The following LRRC4C variants were observed in gnomAD, a reference collection of about 807,000 sequenced individuals.
LRRC4C encodes leucine-rich repeat-containing protein 4C.
LRRC4C carries 5 observed loss-of-function variants against 33.6 expected under a neutral mutation model. The observed-to-expected ratio is 0.15, with a 90% CI of 0.08 to 0.31. The LOEUF is 0.31. Among genes scored for constraint, LRRC4C ranks in the 10% least tolerant of loss-of-function variants. LRRC4C has a pLI of 1.00. For synonymous variants in LRRC4C, 329 were observed against 302.0 expected (o/e 1.09, Z -0.93); for missense variants, 560 against 796.7 (o/e 0.70, Z 3.58).
chr11:41,346,146 T>A (rs1321916724), intron 1 of LRRC4C, among the ~76,000 whole-genome samples: 1 of 152,144 alleles, frequency 6.6e-6, no homozygotes, highest in Non-Finnish European at 1.5e-5. Flanking sequence ...GGAGTTTTCA[T>A]CTTCCTGGCT....
At chr11:41,449,594 T>G (rs949350851) in intron 1 of LRRC4C, among the ~76,000 whole-genome samples, 1 of 151,954 alleles carries the variant, frequency 6.6e-6, no homozygotes, top group Non-Finnish European at 1.5e-5. Flanking sequence ...GAGAGCAAAT[T>G]AGCTGTTTCT....
intron 3 of LRRC4C, among the ~76,000 whole-genome samples, chr11:40,429,121 T>G (rs1414292659): frequency 6.6e-6 from 1 of 152,330 alleles, no homozygotes; most frequent in Non-Finnish European, 1.5e-5. Flanking sequence ...AAAATAGCAC[T>G]ACTAATATTT....
intron 1 of LRRC4C, chr11:41,394,733 G>A (rs1015437359): frequency 3.9e-5 from 6 of 151,948 alleles, no homozygotes; most frequent in Admixed American, 3.3e-4. Flanking sequence ...CATTGACATT[G>A]CTGCTGCCAC....
In LRRC4C at chr11:40,311,386, G is replaced by T. The variant is rs545004166; in HGVS notation, c.-176+8242C>A. Among the ~76,000 whole-genome samples the T allele has an allele frequency of 1.6e-4, 25 of 152,240 alleles. 1 individual carries two copies. In the South Asian group the frequency reaches 5.2e-3, roughly 32 times the overall value. On this transcript the variant is annotated intron_variant, in intron 4 of 6. Transcript: ENST00000528697. The stretch of plus-strand genomic sequence containing the variant: ...GGTAACCCTAGTGCCTAATTTTGTG[G>T]CATAATGTACATGTTCAGTAAACGT...
At chr11:40,316,795 T>C (rs1349959974) in intron 4 of LRRC4C, among the ~76,000 whole-genome samples, 1 of 151,958 alleles carries the variant, frequency 6.6e-6, no homozygotes, top group Non-Finnish European at 1.5e-5. Context: ...TGATGTGATT[T>C]GGTTAAGCTG....
intron 1 of LRRC4C, among the ~76,000 whole-genome samples, chr11:41,002,766 T>C (rs1210399058): frequency 6.6e-6 from 1 of 152,120 alleles, no homozygotes; most frequent in Non-Finnish European, 1.5e-5. Flanking sequence ...AGAAAGTCAA[T>C]ATGCAGTGTG....
chr11:40,719,627 T>C (rs1946908949), intron 2 of LRRC4C, among the ~76,000 whole-genome samples: 1 of 152,206 alleles, frequency 6.6e-6, no homozygotes, highest in Non-Finnish European at 1.5e-5. Flanking sequence ...GTAATTGCAG[T>C]GAGCAAAATT....
rs1290930298 is a variant in LRRC4C at position 40,985,532 on chromosome 11, C to G, written c.-495-51809G>C. 4.1e-4 allele frequency among the ~76,000 whole-genome samples: 3 copies of G among 7,322 alleles called. 1 individual carries two copies. Among genetic ancestry groups the G allele is most frequent in the African/African-American group, 4.3e-4 (3 of 6,918 alleles). The allele number at this position is 7,322 out of a possible 152,430, so 4.8% of individuals were successfully genotyped here. Reference sequence around the variant, plus strand: ...CGGAGTCTCGCTCTGTCGCCCAGGCCGGACTGCGGACTGCAGTGGCGCAAT... The same window carrying G: ...CGGAGTCTCGCTCTGTCGCCCAGGCGGGACTGCGGACTGCAGTGGCGCAAT... On this transcript the variant is annotated intron_variant, in intron 1 of 6. Coordinates refer to ENST00000528697, the MANE Select transcript of LRRC4C (RefSeq NM_001258419.2).
intron 3 of LRRC4C, among the ~76,000 whole-genome samples, chr11:40,574,470 A>C (rs1166471754): frequency 6.6e-6 from 1 of 152,238 alleles, no homozygotes; most frequent in African/African-American, 2.4e-5. Context: ...ACCTGAGCTA[A>C]GGGAGGGCAG....
intron 2 of LRRC4C, among the ~76,000 whole-genome samples, chr11:40,869,865 T>G (rs922370782): frequency 6.7e-6 from 1 of 149,082 alleles, no homozygotes; most frequent in Non-Finnish European, 1.5e-5. Context: ...GCTCTGAAGC[T>G]TTTTAATAAG....
At chr11:40,801,218 A>G (rs1376576578) in intron 2 of LRRC4C, among the ~76,000 whole-genome samples, 1 of 152,170 alleles carries the variant, frequency 6.6e-6, no homozygotes, top group Non-Finnish European at 1.5e-5. Flanking sequence ...TTGAGTCACT[A>G]TAAGCAATTT....
intron 1 of LRRC4C, among the ~76,000 whole-genome samples, chr11:41,239,514 G>A (rs970510391): frequency 1.3e-5 from 2 of 151,848 alleles, no homozygotes; most frequent in African/African-American, 4.8e-5. Flanking sequence ...CTTTGAACTG[G>A]CTATTCCCTG....
At chr11:40,198,920 A>T (rs1862483033) in intron 5 of LRRC4C, among the ~76,000 whole-genome samples, 1 of 152,226 alleles carries the variant, frequency 6.6e-6, no homozygotes, top group South Asian at 2.1e-4. Context: ...GTGAGAGAGA[A>T]TGCACTTTGT....
intron 1 of LRRC4C, among the ~76,000 whole-genome samples, chr11:41,042,084 C>T (rs541468337): frequency 6.6e-4 from 100 of 152,268 alleles, no homozygotes; most frequent in Middle Eastern, 3.4e-3. Flanking sequence ...AAATGGTTTA[C>T]AGTTATAAGA....
rs563000257 is a variant in LRRC4C, at chr11:40,351,313, G to T, written c.-269-31592C>A. Among the ~76,000 whole-genome samples the T allele has an allele frequency of 2.6e-5, 4 of 151,810 alleles. 1 individual carries two copies. In the East Asian group the frequency reaches 7.7e-4, roughly 29 times the overall value. On this transcript the variant is annotated intron_variant, in intron 3 of 6. Coordinates refer to ENST00000528697, the MANE Select transcript of LRRC4C (RefSeq NM_001258419.2). ...TGAAATTTTAAAGACTTGTTTTGTGGCCAAACATGTGTTCTATCCTTGAGA... is the reference window on the plus strand; with the variant it reads ...TGAAATTTTAAAGACTTGTTTTGTGTCCAAACATGTGTTCTATCCTTGAGA...
At chr11:41,004,081 A>T (rs1034197504) in intron 1 of LRRC4C, among the ~76,000 whole-genome samples, 3 of 152,274 alleles carry the variant, frequency 2.0e-5, no homozygotes, top group South Asian at 4.1e-4. Flanking sequence ...AAGAGGCATG[A>T]ACACCCCATT....
At chr11:40,915,890 A>G (rs1470661696) in intron 2 of LRRC4C, among the ~76,000 whole-genome samples, 8 of 152,200 alleles carry the variant, frequency 5.3e-5, no homozygotes, top group Non-Finnish European at 1.2e-4. Flanking sequence ...GGTGAAGGAT[A>G]TGAACAGACA....
At chr11:41,038,291 A>G (rs1294575539) in intron 1 of LRRC4C, among the ~76,000 whole-genome samples, 1 of 152,128 alleles carries the variant, frequency 6.6e-6, no homozygotes, top group Admixed American at 6.5e-5. Context: ...ACATCTAAAA[A>G]CCAGCTTTAA....
intron 1 of LRRC4C, among the ~76,000 whole-genome samples, chr11:41,107,376 T>C (rs999782977): frequency 6.6e-6 from 1 of 152,088 alleles, no homozygotes; most frequent in African/African-American, 2.4e-5. Flanking sequence ...TACATGTAGA[T>C]ATCGATCTAA....
Sources: allele counts gnomAD v4.1 joint callset (sites outside exome capture counted in the v4.1 genomes callset), GRCh38; gene constraint gnomAD v4.1.1; transcripts MANE v1.5; gene names NCBI Gene and HGNC (gene_info 2026-07-23, HGNC 2026-07-21).